The following SNAP25 variants were observed in gnomAD, a reference collection of about 807,000 sequenced individuals.
SNAP25 encodes synaptosomal-associated protein 25.
SNAP25 carries 3 observed loss-of-function variants against 28.7 expected under a neutral mutation model. The ratio of observed to expected loss-of-function variants is 0.10; its 90% CI spans 0.05 to 0.27. The LOEUF (loss-of-function observed/expected upper bound fraction) is 0.27, where lower values mean the gene tolerates loss of function less well. SNAP25 is among the 10% of genes least tolerant of loss of function. The probability of loss-of-function intolerance (pLI) is 1.00; values close to 1 mark genes in which losing one functional copy is unlikely to be tolerated. For synonymous variants in SNAP25, 61 were observed against 88.1 expected (o/e 0.69, Z 1.72); for missense variants, 117 against 278.7 (o/e 0.42, Z 4.13).
At chr20:10,230,784 T>C (rs2062815691) in intron 1 of SNAP25, among the ~76,000 whole-genome samples, 1 of 152,200 alleles carries the variant, frequency 6.6e-6, no homozygotes, top group Non-Finnish European at 1.5e-5. Context: ...AGAGCTGTCC[T>C]GGACCATTGG....
intron 1 of SNAP25, among the ~76,000 whole-genome samples, chr20:10,260,688 T>TACAC (rs36220354): frequency 1.7e-4 from 25 of 148,596 alleles, no homozygotes; most frequent in East Asian, 8.0e-4. Flanking sequence ...TTAGACTCAC[T>TACAC]ACACACACAC....
intron 1 of SNAP25, among the ~76,000 whole-genome samples, chr20:10,267,671 C>G (rs978809847): frequency 6.6e-6 from 1 of 152,158 alleles, no homozygotes; most frequent in Non-Finnish European, 1.5e-5. Flanking sequence ...CCTGCCTCAG[C>G]CTCCCGAGTG....
chr20:10,294,249 G>A (rs144249275), intron 5 of SNAP25, among the ~76,000 whole-genome samples: 24 of 152,184 alleles, frequency 1.6e-4, no homozygotes, highest in East Asian at 1.2e-3. Context: ...AGAAATTGAC[G>A]TCATTTTTAG....
In SNAP25 at chr20:10,306,673, A is replaced by G. The variant is rs2064367289; in HGVS notation, c.*476A>G. On this transcript the variant is annotated 3_prime_UTR_variant, in exon 8 of 8. Coordinates refer to ENST00000254976, the MANE Select transcript of SNAP25 (RefSeq NM_130811.4). ...GTCTTTATGATTTCATGATTAGACA[A>G]TGTGGAATTACATAACAGGCATTGC... 1 of 153,588 alleles carries G rather than the reference A, an allele frequency of 6.5e-6. No homozygotes were observed. The highest frequency in any genetic ancestry group is 2.1e-4 in the South Asian group (1 of 4,848). 9.5% of individuals were successfully genotyped at this position (153,588 alleles called of 1,614,324 possible). A position where few individuals can be genotyped will look rare whatever the true frequency, so the allele number is the denominator to read the frequency against.
At chr20:10,292,605 G>A (rs955382106) in intron 4 of SNAP25, among the ~76,000 whole-genome samples, 5 of 151,994 alleles carry the variant, frequency 3.3e-5, no homozygotes, top group African/African-American at 9.7e-5. Flanking sequence ...CTGAGTAAGC[G>A]AATATGCTGT....
rs111409555 is a variant in SNAP25, at chr20:10,276,743, A to T, written c.73-942A>T. 4.9e-3 allele frequency among the ~76,000 whole-genome samples: 751 copies of T among 152,328 alleles called. 5 individuals carry two copies. The highest frequency in any genetic ancestry group is 0.017 in the African/African-American group (707 of 41,574). On this transcript the variant is annotated intron_variant, in intron 2 of 7. Coordinates refer to ENST00000254976, the MANE Select transcript of SNAP25 (RefSeq NM_130811.4). ...AATTGGCTATGCGGAATTTACAATA[A>T]AGAGAGTATTGTATATTTTATTATT...
At chr20:10,300,528 C>T (rs1001540560) in intron 7 of SNAP25, among the ~76,000 whole-genome samples, 7 of 152,074 alleles carry the variant, frequency 4.6e-5, no homozygotes, top group Non-Finnish European at 1.0e-4. Context: ...TATAATAATT[C>T]ATTCCATTTT....
chr20:10,244,976 C>T (rs569708548), intron 1 of SNAP25, among the ~76,000 whole-genome samples: 67 of 152,168 alleles, frequency 4.4e-4, no homozygotes, highest in African/African-American at 1.5e-3. Context: ...GGTGATCCAC[C>T]CACCTCGGCC....
rs2063888040 is a variant in SNAP25, at chr20:10,286,767, AC to A, written c.163+1999del. 7.2e-5 allele frequency among the ~76,000 whole-genome samples: 11 copies of A among 152,308 alleles called. 1 individual carries two copies. The South Asian group carries it at 2.3e-3, about 32-fold the overall frequency. On this transcript the variant is annotated intron_variant, in intron 4 of 7. Transcript: ENST00000254976. ...AGTTTGAAAAAAAAGTTGAACATAA[AC>A]CCCAACATTTTTCCTTCAATTTTCA... is the stretch of plus-strand genomic sequence containing the variant.
intron 1 of SNAP25, among the ~76,000 whole-genome samples, chr20:10,229,985 G>A (rs2062799767): frequency 6.6e-6 from 1 of 152,134 alleles, no homozygotes; most frequent in Non-Finnish European, 1.5e-5. Flanking sequence ...TCCAAGATTA[G>A]ACATTGGGAC....
Position 10,306,437 on chromosome 20 carries a change from G to A in SNAP25, c.*240G>A. 2.6e-6 allele frequency: 1 copy of A among 382,002 alleles called. No individual in the cohort carries two copies. Among genetic ancestry groups the A allele is most frequent in the Non-Finnish European group, 4.7e-6 (1 of 212,192 alleles). 23.7% of individuals were successfully genotyped at this position (382,002 alleles called of 1,614,324 possible). A position where few individuals can be genotyped will look rare whatever the true frequency, so the allele number is the denominator to read the frequency against. ...CATTTGGTGGCTCTAACTCCTTGAGGTCTTGAGTTTCATTTTTCATTTTCT... is the reference window on the plus strand; with the variant it reads ...CATTTGGTGGCTCTAACTCCTTGAGATCTTGAGTTTCATTTTTCATTTTCT... On this transcript the variant is annotated 3_prime_UTR_variant, in exon 8 of 8. Coordinates refer to ENST00000254976, the MANE Select transcript of SNAP25 (RefSeq NM_130811.4).
chr20:10,299,036 TTAATC>T (rs1362529848), intron 6 of SNAP25, among the ~76,000 whole-genome samples: 1 of 152,148 alleles, frequency 6.6e-6, no homozygotes, highest in African/African-American at 2.4e-5. Flanking sequence ...AGTAGATAAA[TTAATC>T]TATTTAATAT....
At chr20:10,263,369 T>G (rs1183996121) in intron 1 of SNAP25, among the ~76,000 whole-genome samples, 1 of 152,040 alleles carries the variant, frequency 6.6e-6, no homozygotes, top group Non-Finnish European at 1.5e-5. Flanking sequence ...AACACGGAGA[T>G]GACCACAAAG....
At chr20:10,228,446 G>A (rs1782543317) in intron 1 of SNAP25, among the ~76,000 whole-genome samples, 1 of 152,138 alleles carries the variant, frequency 6.6e-6, no homozygotes, top group South Asian at 2.1e-4. Flanking sequence ...ACGTGAGTCA[G>A]CCAAATCTAA....
At chr20:10,257,768 A>T (rs2063345884) in intron 1 of SNAP25, among the ~76,000 whole-genome samples, 1 of 150,726 alleles carries the variant, frequency 6.6e-6, no homozygotes, top group South Asian at 2.1e-4. Flanking sequence ...CTGTAGTCCC[A>T]GCTACTCAGG....
intron 1 of SNAP25, among the ~76,000 whole-genome samples, chr20:10,269,124 C>G (rs965701071): frequency 4.6e-5 from 7 of 152,092 alleles, no homozygotes; most frequent in African/African-American, 1.7e-4. Flanking sequence ...AAAATATGTT[C>G]CAGAAGTCCG....
At chr20:10,223,561 TG>T (rs1600628288) in intron 1 of SNAP25, among the ~76,000 whole-genome samples, 1 of 152,060 alleles carries the variant, frequency 6.6e-6, no homozygotes, top group Non-Finnish European at 1.5e-5. Context: ...GAGGTCAGGT[TG>T]GTGGTTATTA....
chr20:10,264,112 C>A (rs1304964765), intron 1 of SNAP25, among the ~76,000 whole-genome samples: 1 of 152,028 alleles, frequency 6.6e-6, no homozygotes, highest in Admixed American at 6.6e-5. Context: ...TGCCCTGTTA[C>A]AATTAAGAAA....
Position 10,249,243 on chromosome 20 carries a change from A to G in SNAP25, c.-63-26186A>G, listed in dbSNP as rs936616312. Among the ~76,000 whole-genome samples the G allele has an allele frequency of 2.6e-5, 4 of 152,178 alleles. No homozygotes were observed. The South Asian group carries it at 8.3e-4, about 32-fold the overall frequency. On this transcript the variant is annotated intron_variant, in intron 1 of 7. Coordinates refer to ENST00000254976, the MANE Select transcript of SNAP25 (RefSeq NM_130811.4). ...ATTGCAGCCACGCATTTGTTTGCTCATTCATTCAATCCCTTGGCAAGGAGC... is the reference window on the plus strand; with the variant it reads ...ATTGCAGCCACGCATTTGTTTGCTCGTTCATTCAATCCCTTGGCAAGGAGC...
Sources: gnomAD v4.1 joint callset for allele counts (sites outside exome capture counted in the v4.1 genomes callset) on GRCh38, gnomAD v4.1.1 for gene constraint, MANE v1.5 for transcripts, NCBI Gene and HGNC (gene_info 2026-07-23, HGNC 2026-07-21) for gene names.